The following DENND4A variants were observed in gnomAD, a reference collection of about 807,000 sequenced individuals.
DENND4A encodes DENN domain containing 4A.
Under a neutral mutation model 199.3 loss-of-function variants are expected in DENND4A, and 70 were observed. The observed-to-expected ratio is 0.35, with a 90% CI of 0.29 to 0.43. DENND4A has a LOEUF of 0.43. DENND4A is among the 20% of genes least tolerant of loss of function. The probability of loss-of-function intolerance (pLI) is 1.00; values close to 1 mark genes in which losing one functional copy is unlikely to be tolerated. For missense variants in DENND4A, 1,723 were observed against 2,255.8 expected, an observed-to-expected ratio of 0.76 and a Z score of 4.78; for synonymous variants, 686 against 766.9, an observed-to-expected ratio of 0.89 and a Z score of 1.74.
intron 1 of DENND4A, among the ~76,000 whole-genome samples, chr15:65,761,789 G>A (rs1254472588): frequency 6.6e-6 from 1 of 151,840 alleles, no homozygotes; most frequent in African/African-American, 2.4e-5. Context: ...CTATTTCTGG[G>A]GCACTGTACA....
At chr15:65,732,056 T>C (rs1276831850) in intron 8 of DENND4A, among the ~76,000 whole-genome samples, 2 of 152,034 alleles carry the variant, frequency 1.3e-5, no homozygotes, top group African/African-American at 4.8e-5. Flanking sequence ...TTTTTGTAAA[T>C]AAGGTTTTAC....
Position 65,678,116 on chromosome 15 carries a change from C to T in DENND4A, c.4180-1482G>A, listed in dbSNP as rs7183071. 9.8e-3 allele frequency among the ~76,000 whole-genome samples: 1,486 copies of T among 151,850 alleles called. 26 individuals are homozygous for T. The highest frequency in any genetic ancestry group is 0.034 in the African/African-American group (1,407 of 41,436). ...CTAATTTTTGTATTTGTAGTAGAGA[C>T]GGGGTTTCACCATGTTGGCCAGGCT... is the stretch of plus-strand genomic sequence containing the variant. On this transcript the variant is annotated intron_variant, in intron 23 of 32. Transcript: ENST00000443035.
chr15:65,762,992 C>T (rs901136402), intron 1 of DENND4A, among the ~76,000 whole-genome samples: 1 of 151,986 alleles, frequency 6.6e-6, no homozygotes, highest in Non-Finnish European at 1.5e-5. Flanking sequence ...ATTCAATATG[C>T]CAGTATCTTA....
At chr15:65,713,453 T>C (rs143167894) in intron 14 of DENND4A, among the ~76,000 whole-genome samples, 7 of 152,238 alleles carry the variant, frequency 4.6e-5, no homozygotes, top group African/African-American at 1.7e-4. Flanking sequence ...TTTTGATAAC[T>C]TGATTAAAAC....
rs1437835526 is a variant in DENND4A, at chr15:65,667,674, T to C, written c.5016A>G (p.Pro1672=). The C allele has an allele frequency of 6.2e-7, 1 of 1,613,792 alleles. No individual in the cohort carries two copies. Among genetic ancestry groups the C allele is most frequent in the East Asian group, 2.2e-5 (1 of 44,890 alleles). The change falls in exon 29 of 33, where the codon CCA becomes CCG. Residue 1672 remains proline (P), a synonymous_variant. Coordinates refer to ENST00000443035, the MANE Select transcript of DENND4A (RefSeq NM_001320835.1). ...TDSLGLEWHL[P]SPDPVTVPYL... is the part of the protein sequence containing the mutation. ...ACGGAACAGTGACAGGATCGGGACT[T>C]GGAAGGTGCCATTCTAAACCTAAAG...
chr15:65,676,161 T>TATATATATATATATATAC (rs2076373841), intron 24 of DENND4A, among the ~76,000 whole-genome samples: 1 of 146,104 alleles, frequency 6.8e-6, no homozygotes, highest in African/African-American at 2.5e-5. Flanking sequence ...TATATATATA[T>TATATATATATATATATAC]ATATACCTAT....
intron 29 of DENND4A, among the ~76,000 whole-genome samples, chr15:65,666,665 G>A (rs1277030102): frequency 2.0e-5 from 3 of 151,800 alleles, no homozygotes; most frequent in African/African-American, 4.8e-5. Flanking sequence ...TATAACCCCA[G>A]CACTTTGGGA....
intron 4 of DENND4A, among the ~76,000 whole-genome samples, chr15:65,750,101 C>T (rs1031140279): frequency 4.0e-5 from 6 of 150,800 alleles, no homozygotes; most frequent in Non-Finnish European, 7.4e-5. Flanking sequence ...AGAAAAAAGG[C>T]TTATATCAGA....
At chr15:65,719,025 C>T (rs112751712) in intron 12 of DENND4A, among the ~76,000 whole-genome samples, 9,560 of 151,714 alleles carry the variant, frequency 0.063, 318 homozygotes, top group African/African-American at 0.092. Context: ...GGTGATCCGC[C>T]TACCTTGGCC....
At chr15:65,709,128 C>T (rs530226010) in intron 14 of DENND4A, among the ~76,000 whole-genome samples, 1 of 152,312 alleles carries the variant, frequency 6.6e-6, no homozygotes, top group African/African-American at 2.4e-5. Context: ...TATAGCTAAA[C>T]TGCCAGAGGT....
intron 4 of DENND4A, among the ~76,000 whole-genome samples, chr15:65,744,256 T>C (rs1295870236): frequency 2.0e-5 from 3 of 152,040 alleles, no homozygotes; most frequent in Non-Finnish European, 2.9e-5. Flanking sequence ...AGAAACTCAA[T>C]TGAGATGGAG....
intron 12 of DENND4A, among the ~76,000 whole-genome samples, chr15:65,718,389 T>C (rs1333171137): frequency 6.6e-6 from 1 of 152,090 alleles, no homozygotes; most frequent in Non-Finnish European, 1.5e-5. Context: ...AATAACTATA[T>C]ATAAGTTAAT....
rs773000128 is a variant in DENND4A at position 65,691,077 on chromosome 15, C to T, written c.3517G>A (p.Glu1173Lys). The change falls in exon 23 of 33, where the codon GAA becomes AAA. Residue 1173 changes from glutamate (E) to lysine (K), a missense_variant. Glu to Lys is a moderately conservative substitution (Grantham distance 56). Around this residue, in one of 6 missense-constraint regions of DENND4A, gnomAD observed 650 missense variants for 738.1 expected, o/e 0.88. Transcript: ENST00000443035. ...CATCCTGCTTTTGATACATCTGTTT[C>T]ACTGTCTAAGTCTTCTAAGTCAAAA... ...VIFDLEDLDS[E>K]TDVSKAGCVA... 2 of 1,613,150 alleles carry T rather than the reference C, an allele frequency of 1.2e-6. No individual in the cohort carries two copies.
At chr15:65,769,947 G>GT (rs949845014) in intron 1 of DENND4A, among the ~76,000 whole-genome samples, 510 of 147,902 alleles carry the variant, frequency 3.4e-3, no homozygotes, top group African/African-American at 8.2e-3. Flanking sequence ...ATTTCCAGCT[G>GT]TTTTTTTTTT....
Position 65,715,482 on chromosome 15 carries a change from T to G in DENND4A, c.1949A>C (p.Asp650Ala). ...TGTAGATGTACTGTTACTTACTTTA[T>G]CTACACAATCATCAAAAAATGCCAG... is the stretch of plus-strand genomic sequence containing the variant. ...ASLAFFDDCV[D>A]KVDMDKSGEV... Residue 650 changes from aspartate to alanine, a missense_variant, in exon 14 of 33, where the codon GAT becomes GCT. Physicochemically the swap from Asp to Ala is moderately radical, Grantham distance 126. Around this residue, in one of 6 missense-constraint regions of DENND4A, gnomAD observed 725 missense variants for 952.9 expected, o/e 0.76. Coordinates refer to ENST00000443035, the MANE Select transcript of DENND4A (RefSeq NM_001320835.1). 6.2e-7 allele frequency: 1 copy of G among 1,608,676 alleles called. No individual in the cohort carries two copies. The highest frequency in any genetic ancestry group is 8.5e-7 in the Non-Finnish European group (1 of 1,178,794).
intron 24 of DENND4A, among the ~76,000 whole-genome samples, chr15:65,675,152 G>A (rs1323702349): frequency 6.6e-6 from 1 of 152,128 alleles, no homozygotes; most frequent in South Asian, 2.1e-4. Flanking sequence ...ATCCATATTT[G>A]TATGGCCCTG....
chr15:65,733,251 T>C (rs1408102813), intron 7 of DENND4A, among the ~76,000 whole-genome samples: 2 of 152,132 alleles, frequency 1.3e-5, no homozygotes, highest in African/African-American at 2.4e-5. Context: ...ACAGTATTCT[T>C]TCTATTAATA....
In DENND4A at chr15:65,665,390, G is replaced by A; in HGVS notation, c.5314C>T (p.His1772Tyr). 1 of 1,613,740 alleles carries A rather than the reference G, an allele frequency of 6.2e-7. No individual in the cohort carries two copies. The highest frequency in any genetic ancestry group is 8.5e-7 in the Non-Finnish European group (1 of 1,179,728). Residue 1772 changes from histidine to tyrosine, a missense_variant, in exon 30 of 33, where the codon CAT becomes TAT. By Grantham distance (83) the His-to-Tyr change is moderately conservative. Coordinates refer to ENST00000443035, the MANE Select transcript of DENND4A (RefSeq NM_001320835.1). The part of the protein sequence containing the change: ...IQMLWDNMKL[H>Y]QDPGQPLYIL... ...TACAAGGGCTGTCCCGGATCCTGAT[G>A]TAACTTCATATTGTCCCATAACATT...
intron 1 of DENND4A, chr15:65,766,332 G>A (rs761134370): frequency 1.3e-5 from 2 of 151,892 alleles, no homozygotes; most frequent in African/African-American, 2.4e-5. Flanking sequence ...TGCCTTGTTG[G>A]TCACATTCAC....
Sources: allele counts gnomAD v4.1 joint callset (sites outside exome capture counted in the v4.1 genomes callset), GRCh38; gene constraint gnomAD v4.1.1; regional missense constraint gnomAD v4.1.1; transcripts MANE v1.5; gene names NCBI Gene and HGNC (gene_info 2026-07-23, HGNC 2026-07-21).